STXBP5L: variants seen among roughly 807,000 people sequenced by gnomAD.
STXBP5L encodes the protein syntaxin binding protein 5L, also known as syntaxin-binding protein 5-like.
A neutral mutation model predicts 144.5 loss-of-function variants in STXBP5L; 65 were observed. The observed-to-expected ratio is 0.45, with a 90% CI of 0.37 to 0.55. STXBP5L has a LOEUF of 0.55. Among genes scored for constraint, STXBP5L ranks in the 20% least tolerant of loss-of-function variants. STXBP5L has a pLI of 0.00. For missense variants in STXBP5L, 1,298 were observed against 1,405.5 expected (o/e 0.92, Z 1.22); for synonymous variants, 505 against 469.6 (o/e 1.08, Z -0.97).
Position 121,388,545 on chromosome 3 carries a change from G to A in STXBP5L, c.2587+7013G>A, listed in dbSNP as rs541242946. On this transcript the variant is annotated intron_variant, in intron 22 of 26. Transcript: ENST00000471454. ...GCTGTGGGTTTGTCATAAATAGGTC[G>A]TATTATTTTGAGATATGTTCCATCA... Among the ~76,000 whole-genome samples the A allele has an allele frequency of 4.1e-4, 62 of 152,160 alleles. 1 individual carries two copies. Among genetic ancestry groups the A allele is most frequent in the Admixed American group, 2.2e-3 (34 of 15,272 alleles).
intron 9 of STXBP5L, among the ~76,000 whole-genome samples, chr3:121,199,686 C>A (rs2048061560): frequency 6.6e-6 from 1 of 152,156 alleles, no homozygotes; most frequent in South Asian, 2.1e-4. Flanking sequence ...GAGTTTTTAT[C>A]ATGAAAGGAT....
chr3:120,949,675 C>T, intron 2 of STXBP5L, among the ~76,000 whole-genome samples: 1 of 151,940 alleles, frequency 6.6e-6, no homozygotes, highest in East Asian at 1.9e-4. Context: ...AATAGGGTGT[C>T]CTTTCCCTAC....
intron 9 of STXBP5L, among the ~76,000 whole-genome samples, chr3:121,172,659 A>G (rs192837770): frequency 1.4e-4 from 22 of 152,358 alleles, no homozygotes; most frequent in African/African-American, 4.8e-4. Flanking sequence ...TAGAATGGCA[A>G]TCATTAAAAA....
At chr3:121,334,825 G>A (rs1467127067) in intron 20 of STXBP5L, among the ~76,000 whole-genome samples, 2 of 152,098 alleles carry the variant, frequency 1.3e-5, no homozygotes, top group Non-Finnish European at 2.9e-5. Context: ...AATAATAAAA[G>A]TCATCTATGA....
chr3:120,944,665 C>T (rs746181414), intron 2 of STXBP5L, among the ~76,000 whole-genome samples: 6 of 151,712 alleles, frequency 4.0e-5, no homozygotes, highest in African/African-American at 7.2e-5. Flanking sequence ...TGGTTGTTTA[C>T]GTGAGCAGGT....
At chr3:121,076,086 G>A (rs943282454) in intron 5 of STXBP5L, among the ~76,000 whole-genome samples, 6 of 152,166 alleles carry the variant, frequency 3.9e-5, no homozygotes, top group Non-Finnish European at 8.8e-5. Flanking sequence ...GCTGATAAAC[G>A]AAGAGCTGTT....
At chr3:120,982,473 T>C (rs1275224157) in intron 3 of STXBP5L, among the ~76,000 whole-genome samples, 1 of 152,176 alleles carries the variant, frequency 6.6e-6, no homozygotes, top group Non-Finnish European at 1.5e-5. Flanking sequence ...CAGGTGGGAA[T>C]GCAATCCATT....
At chr3:120,975,716 C>A (rs1336692287) in intron 3 of STXBP5L, among the ~76,000 whole-genome samples, 2 of 152,048 alleles carry the variant, frequency 1.3e-5, no homozygotes, top group Non-Finnish European at 2.9e-5. Context: ...GAGATACGTC[C>A]CATCAATACC....
chr3:120,943,926 G>A (rs1710705820), intron 2 of STXBP5L, among the ~76,000 whole-genome samples: 1 of 149,890 alleles, frequency 6.7e-6, no homozygotes, highest in Non-Finnish European at 1.5e-5. Flanking sequence ...TTGAATATAT[G>A]TATCTGATGT....
At chr3:121,095,192 C>T (rs1160520254) in intron 5 of STXBP5L, among the ~76,000 whole-genome samples, 4 of 152,070 alleles carry the variant, frequency 2.6e-5, no homozygotes, top group South Asian at 2.1e-4. Flanking sequence ...GTGGGTAACC[C>T]GACCTCTCTC....
intron 9 of STXBP5L, among the ~76,000 whole-genome samples, chr3:121,182,581 T>A (rs930925583): frequency 1.3e-5 from 2 of 151,976 alleles, no homozygotes; most frequent in Non-Finnish European, 2.9e-5. Flanking sequence ...AAAGAGCACA[T>A]CTCAAGGAAC....
At chr3:121,040,914 A>G (rs1403503240) in intron 3 of STXBP5L, among the ~76,000 whole-genome samples, 1 of 152,166 alleles carries the variant, frequency 6.6e-6, no homozygotes, top group Non-Finnish European at 1.5e-5. Context: ...AATCTGGCCC[A>G]CATTCCTCAT....
chr3:120,934,110 C>A (rs943650988), intron 2 of STXBP5L, among the ~76,000 whole-genome samples: 3 of 88,130 alleles, frequency 3.4e-5, no homozygotes, highest in East Asian at 2.8e-4. Context: ...TTTTTCATTT[C>A]TCTTTGTTCA....
At chr3:121,190,089 T>C (rs1446731611) in intron 9 of STXBP5L, among the ~76,000 whole-genome samples, 1 of 152,132 alleles carries the variant, frequency 6.6e-6, no homozygotes. Flanking sequence ...TTGATCATTC[T>C]TGGGTGTTTC....
intron 20 of STXBP5L, among the ~76,000 whole-genome samples, chr3:121,351,839 C>G (rs970078093): frequency 1.3e-5 from 2 of 152,264 alleles, no homozygotes; most frequent in Admixed American, 6.5e-5. Context: ...AGTCTTTAAT[C>G]TATCTTGAAT....
rs1229281950 is a variant in STXBP5L, at chr3:121,378,906, T to C, written c.2347+20T>C. 6.3e-7 allele frequency: 1 copy of C among 1,596,524 alleles called. No individual in the cohort carries two copies. Among genetic ancestry groups the C allele is most frequent in the Admixed American group, 1.7e-5 (1 of 57,546 alleles). ...CAGAAGGTATGTTAAACATATTAAA[T>C]TTTTTTGTTACAGTTAAAATTTGGT... On this transcript the variant is annotated intron_variant, in intron 21 of 26. Coordinates refer to ENST00000471454, the MANE Select transcript of STXBP5L (RefSeq NM_001308330.2).
At chr3:121,232,947 C>G (rs979180447) in intron 11 of STXBP5L, among the ~76,000 whole-genome samples, 2 of 152,094 alleles carry the variant, frequency 1.3e-5, no homozygotes, top group African/African-American at 4.8e-5. Context: ...GCAATGTATG[C>G]TTCTTAATTT....
At chr3:121,350,443 T>C (rs146553760) in intron 20 of STXBP5L, among the ~76,000 whole-genome samples, 6 of 152,228 alleles carry the variant, frequency 3.9e-5, no homozygotes, top group African/African-American at 1.4e-4. Flanking sequence ...TGTCTTGGAG[T>C]TGCTCTTCTC....
chr3:121,363,730 T>C (rs754979986), intron 20 of STXBP5L, among the ~76,000 whole-genome samples: 5 of 152,178 alleles, frequency 3.3e-5, no homozygotes, highest in Non-Finnish European at 7.4e-5. Flanking sequence ...GCTCACCTGA[T>C]TCTTGGTTCT....
Sources: allele counts gnomAD v4.1 joint callset (sites outside exome capture counted in the v4.1 genomes callset), GRCh38; gene constraint gnomAD v4.1.1; transcripts MANE v1.5; gene names NCBI Gene and HGNC (gene_info 2026-07-23, HGNC 2026-07-21).